Variants in NLRC5 observed in about 807,000 individuals in gnomAD.
The protein encoded by NLRC5 is NLR family CARD domain containing 5.
A neutral mutation model predicts 206.9 loss-of-function variants in NLRC5; 114 were observed. The observed-to-expected ratio is 0.55, with a 90% CI of 0.47 to 0.64. The LOEUF is 0.64. NLRC5 is among the 30% of genes least tolerant of loss of function. The probability of loss-of-function intolerance (pLI) is 0.00; values close to 1 mark genes in which losing one functional copy is unlikely to be tolerated. For missense variants in NLRC5, 2,008 were observed against 2,305.5 expected (o/e 0.87, Z 2.64); for synonymous variants, 952 against 962.8 (o/e 0.99, Z 0.21).
intron 48 of NLRC5, among the ~76,000 whole-genome samples, chr16:57,081,902 G>C (rs1481556122): frequency 6.6e-6 from 1 of 152,202 alleles, no homozygotes; most frequent in African/African-American, 2.4e-5. Context: ...AAGACTAAAT[G>C]AGCATATAAA....
At chr16:57,023,250 A>G (rs2060873253) in intron 4 of NLRC5, among the ~76,000 whole-genome samples, 1 of 152,032 alleles carries the variant, frequency 6.6e-6, no homozygotes, top group Non-Finnish European at 1.5e-5. Context: ...TCCTTTCTCA[A>G]ACTCTTCCAG....
intron 1 of NLRC5, among the ~76,000 whole-genome samples, chr16:57,012,424 CA>C (rs1228847939): frequency 1.3e-5 from 2 of 152,160 alleles, no homozygotes; most frequent in Non-Finnish European, 2.9e-5. Context: ...CATTCTAAGG[CA>C]GGGGTCCCCA....
chr16:57,057,201 A>C (rs1350820484), intron 27 of NLRC5, among the ~76,000 whole-genome samples: 1 of 152,042 alleles, frequency 6.6e-6, no homozygotes, highest in Non-Finnish European at 1.5e-5. Flanking sequence ...CGGGTGGATC[A>C]CCTGAGGTCA....
At chr16:57,015,972 A>AAAGAG (rs1199096385) in intron 1 of NLRC5, among the ~76,000 whole-genome samples, 1 of 149,780 alleles carries the variant, frequency 6.7e-6, no homozygotes, top group Non-Finnish European at 1.5e-5. Flanking sequence ...AGAAGCACTT[A>AAAGAG]AAGAGGCTGA....
At chr16:57,002,448 GC>G (rs1482261652) in intron 1 of NLRC5, among the ~76,000 whole-genome samples, 1 of 151,934 alleles carries the variant, frequency 6.6e-6, no homozygotes, top group Non-Finnish European at 1.5e-5. Context: ...GTGCCCAGCT[GC>G]CACATTTTCT....
intron 23 of NLRC5, among the ~76,000 whole-genome samples, chr16:57,049,649 G>A (rs1389126331): frequency 1.3e-5 from 2 of 151,962 alleles, no homozygotes; most frequent in Non-Finnish European, 1.5e-5. Context: ...CAGGAGACTT[G>A]CTTGAACCCG....
intron 1 of NLRC5, among the ~76,000 whole-genome samples, chr16:56,998,881 C>A (rs1047624099): frequency 1.3e-5 from 2 of 152,194 alleles, no homozygotes; most frequent in East Asian, 3.8e-4. Flanking sequence ...GTTTAAAGAC[C>A]GCTGCTGGAA....
At chr16:57,025,325 G>T (rs201339650) in intron 5 of NLRC5, 43 bp from the exon 6 acceptor site, 8 of 1,508,526 alleles carry the variant, frequency 5.3e-6, no homozygotes, top group Non-Finnish European at 7.1e-6. Context: ...TGAGCAGAGG[G>T]CCGGGGGGTC....
chr16:57,036,196 C>T lies in NLRC5; in HGVS notation c.2711+13C>T, dbSNP rs1339252653. 6.2e-7 allele frequency: 1 copy of T among 1,611,262 alleles called. No individual in the cohort carries two copies. Among genetic ancestry groups the T allele is most frequent in the African/African-American group, 1.3e-5 (1 of 74,830 alleles). On this transcript the variant is annotated intron_variant, in intron 14 of 48. Transcript: ENST00000688547. ...CCAGGAAGCTGGAGTGAGTTGTCCA[C>T]CCCACCGCTGGGTACCAGGGAAGGC...
At chr16:57,055,554 T>A in intron 27 of NLRC5, 35 bp downstream of exon 27, 1 of 1,564,374 alleles carries the variant, frequency 6.4e-7, no homozygotes, top group Non-Finnish European at 8.8e-7. Context: ...GAGAGGAGCA[T>A]GGACGCATGC....
Position 57,076,897 on chromosome 16 carries a change from G to A in NLRC5, c.4830G>A (p.Glu1610=), listed in dbSNP as rs1355432619. The change falls in exon 40 of 49, where the codon GAG becomes GAA. Residue 1610 remains glutamate (E), a synonymous_variant. Coordinates refer to ENST00000688547, the MANE Select transcript of NLRC5 (RefSeq NM_001384950.1). The part of the protein sequence containing the change: ...EALRAATSLE[E]LDLSHNQIGD... ...TCAGGGCTGCCACCAGCCTAGAGGA[G>A]CTGGAGTGAGTTGCCCATTCTGCCC... is the stretch of plus-strand genomic sequence containing the variant. 1.2e-6 allele frequency: 2 copies of A among 1,613,840 alleles called. No homozygotes were observed. Among genetic ancestry groups the A allele is most frequent in the African/African-American group, 1.3e-5 (1 of 75,060 alleles).
At chr16:57,081,486 C>T (rs562058485) in intron 47 of NLRC5, 41 bp from the exon 48 acceptor site, 2 of 1,579,642 alleles carry the variant, frequency 1.3e-6, no homozygotes, top group Non-Finnish European at 1.7e-6. Flanking sequence ...ATTCTCATGG[C>T]CGTGTTTCTC....
chr16:56,991,379 C>CTT (rs55678024), intron 1 of NLRC5, among the ~76,000 whole-genome samples: 57 of 105,884 alleles, frequency 5.4e-4, no homozygotes, highest in African/African-American at 1.7e-3. Flanking sequence ...TTCTTTATTC[C>CTT]TTTTTTTTTT....
chr16:56,993,615 T>A (rs1451693395), intron 1 of NLRC5, among the ~76,000 whole-genome samples: 1 of 152,184 alleles, frequency 6.6e-6, no homozygotes, highest in African/African-American at 2.4e-5. Context: ...AATTTCCATA[T>A]TTGCAAATCT....
At chr16:57,062,379 A>G in intron 32 of NLRC5, 1 of 332,136 alleles carries the variant, frequency 3.0e-6, no homozygotes, top group Non-Finnish European at 5.8e-6. Flanking sequence ...GGGATCCAGG[A>G]TCTGTCACAT....
intron 15 of NLRC5, among the ~76,000 whole-genome samples, chr16:57,038,423 A>G (rs1000219279): frequency 6.6e-6 from 1 of 151,832 alleles, no homozygotes; most frequent in East Asian, 1.9e-4. Context: ...ATGCCTGGCA[A>G]TTTTTTTTAT....
At chr16:57,042,353 C>T (rs148908027) in intron 19 of NLRC5, among the ~76,000 whole-genome samples, 21 of 152,142 alleles carry the variant, frequency 1.4e-4, no homozygotes, top group East Asian at 3.9e-4. Flanking sequence ...GGTGTGGGTG[C>T]GAAGTATGAC....
chr16:57,065,308 G>A lies in NLRC5; in HGVS notation c.4241+10G>A, dbSNP rs773274749. 1.4e-5 allele frequency: 22 copies of A among 1,545,540 alleles called. No homozygotes were observed. Among genetic ancestry groups the A allele is most frequent in the Admixed American group, 3.7e-5 (2 of 53,636 alleles). Reference sequence around the variant, plus strand: ...GTGTCACTGAAATCAGGTGAGTCCAGAGAAGAGGCCCCTTTGGAATTCTTC... The same window carrying A: ...GTGTCACTGAAATCAGGTGAGTCCAAAGAAGAGGCCCCTTTGGAATTCTTC... On this transcript the variant is annotated intron_variant, in intron 33 of 48. Transcript: ENST00000688547.
rs1339030380 is a variant in NLRC5 at position 57,017,702 on chromosome 16, G to T, written c.-13+514G>T. On this transcript the variant is annotated intron_variant, in intron 2 of 48. Coordinates refer to ENST00000688547, the MANE Select transcript of NLRC5 (RefSeq NM_001384950.1). ...GAAAAAGTACTGTCAATTACACCTTGGTTCTTAAAACAACTACAGGCATGA... is the reference window on the plus strand; with the variant it reads ...GAAAAAGTACTGTCAATTACACCTTTGTTCTTAAAACAACTACAGGCATGA... Among the ~76,000 whole-genome samples, 3 of 152,166 alleles carry T rather than the reference G, an allele frequency of 2.0e-5. 1 individual carries two copies. The highest frequency in any genetic ancestry group is 2.0e-4 in the Admixed American group (3 of 15,280).
Sources: gnomAD v4.1 joint callset for allele counts (sites outside exome capture counted in the v4.1 genomes callset) on GRCh38, gnomAD v4.1.1 for gene constraint, MANE v1.5 for transcripts, NCBI Gene and HGNC (gene_info 2026-07-23, HGNC 2026-07-21) for gene names.